Variants in ZNF333 observed in about 807,000 individuals in gnomAD.
The protein encoded by ZNF333 is zinc finger protein 333.
ZNF333 carries 61 observed loss-of-function variants against 76.1 expected under a neutral mutation model. The ratio of observed to expected loss-of-function variants is 0.80; its 90% CI spans 0.65 to 0.99. The LOEUF is 0.99. ZNF333 is among the 50% of genes least tolerant of loss of function. The probability of loss-of-function intolerance (pLI) is 0.00; values close to 1 mark genes in which losing one functional copy is unlikely to be tolerated. For missense variants in ZNF333, 717 were observed against 822.4 expected (o/e 0.87, Z 1.57); for synonymous variants, 284 against 305.0 (o/e 0.93, Z 0.72).
At position 14,717,017 on chromosome 19, in the gene ZNF333, G is replaced by A. The variant is rs1456557036; in HGVS notation, c.751G>A (p.Ala251Thr). Residue 251 changes from alanine (A) to threonine (T), a missense_variant, in exon 10 of 12, where the codon GCG becomes ACG. Physicochemically the swap from Ala to Thr is moderately conservative, Grantham distance 58. Transcript: ENST00000292530. Reference sequence around the variant, plus strand: ...AGCTGATCAACTGTGCAAACCCAATGCGTTGTCTTATTTGGAAGAAAGAGG... The same window carrying A: ...AGCTGATCAACTGTGCAAACCCAATACGTTGTCTTATTTGGAAGAAAGAGG... Reference protein sequence around the residue: ...SVADQLCKPNALSYLEERGEQ... With the variant: ...SVADQLCKPNTLSYLEERGEQ... The A allele has an allele frequency of 7.4e-6, 12 of 1,612,182 alleles. No homozygotes were observed. Among genetic ancestry groups the A allele is most frequent in the Non-Finnish European group, 7.6e-6 (9 of 1,179,122 alleles).
intron 3 of ZNF333, 107 bp from the exon 4 acceptor site, chr19:14,695,459 C>A: frequency 9.1e-7 from 1 of 1,099,668 alleles, no homozygotes; most frequent in East Asian, 2.5e-5. Flanking sequence ...CCCAGAGAAT[C>A]TGAAGCCCAT....
chr19:14,694,956 C>T (rs1973063506), intron 2 of ZNF333, 54 bp from the exon 3 acceptor site: 5 of 1,608,694 alleles, frequency 3.1e-6, no homozygotes, highest in Non-Finnish European at 3.4e-6. Context: ...ACCAGTCGTT[C>T]TGCTCAGTGG....
chr19:14,701,212 C>T (rs2041947621), intron 5 of ZNF333, among the ~76,000 whole-genome samples: 1 of 152,146 alleles, frequency 6.6e-6, no homozygotes, highest in Admixed American at 6.5e-5. Context: ...TGCGGTAAGC[C>T]TCATTACAGA....
intron 4 of ZNF333, among the ~76,000 whole-genome samples, chr19:14,697,039 C>T (rs1884028541): frequency 1.3e-5 from 2 of 152,006 alleles, no homozygotes; most frequent in Admixed American, 6.6e-5. Context: ...GCCCGGCCAC[C>T]TAATCACCTT....
chr19:14,702,047 A>C (rs564882133), intron 5 of ZNF333: 1 of 323,876 alleles, frequency 3.1e-6, no homozygotes, highest in African/African-American at 2.2e-5. Flanking sequence ...GCCAGGCATC[A>C]TTGTGCCTTG....
At chr19:14,690,503 A>G (rs1245960255) in intron 1 of ZNF333, among the ~76,000 whole-genome samples, 1 of 152,244 alleles carries the variant, frequency 6.6e-6, no homozygotes. Context: ...CCTTGCCTAC[A>G]GTATGCAAGA....
rs577563996 is a variant in ZNF333 at position 14,692,709 on chromosome 19, C to T, written c.-41-742C>T. Among the ~76,000 whole-genome samples the T allele has an allele frequency of 3.3e-5, 5 of 151,696 alleles. No individual in the cohort carries two copies. In the East Asian group the frequency reaches 9.7e-4, roughly 29 times the overall value. ...TGTATTTTAAGTAGAGATGGGGTTT[C>T]ACCATGTTGGCCAGGCTGGTCTTGA... On this transcript the variant is annotated intron_variant, in intron 1 of 11. Transcript: ENST00000292530.
intron 5 of ZNF333, among the ~76,000 whole-genome samples, chr19:14,699,900 C>T (rs909967052): frequency 6.6e-6 from 1 of 152,160 alleles, no homozygotes; most frequent in Admixed American, 6.5e-5. Context: ...CGAACTCCAG[C>T]TGTCTAAACA....
At chr19:14,692,787 A>G (rs528725398) in intron 1 of ZNF333, among the ~76,000 whole-genome samples, 2 of 149,456 alleles carry the variant, frequency 1.3e-5, no homozygotes, top group South Asian at 4.3e-4. Context: ...TGCTGGGATT[A>G]TAGGCATGAG....
intron 2 of ZNF333, among the ~76,000 whole-genome samples, chr19:14,694,209 A>G (rs1488912037): frequency 6.6e-6 from 1 of 152,184 alleles, no homozygotes; most frequent in Non-Finnish European, 1.5e-5. Context: ...GTGGTGGCTC[A>G]TGCCTGTAAT....
In ZNF333 at chr19:14,719,597, C is replaced by G; in HGVS notation, c.*272C>G. The stretch of plus-strand genomic sequence containing the variant: ...TACAGTTGGATGAGTTTGACAGATG[C>G]ATACATGCATGTAACCACCACCCCA... On this transcript the variant is annotated 3_prime_UTR_variant, in exon 12 of 12. Transcript: ENST00000292530. 1 of 1,136,646 alleles carries G rather than the reference C, an allele frequency of 8.8e-7. No individual in the cohort carries two copies. Among genetic ancestry groups the G allele is most frequent in the East Asian group, 4.1e-5 (1 of 24,412 alleles). The allele number at this position is 1,136,646 out of a possible 1,614,324, so 70.4% of individuals were successfully genotyped here.
At chr19:14,705,905 G>T (rs1435868616) in intron 6 of ZNF333, among the ~76,000 whole-genome samples, 1 of 152,128 alleles carries the variant, frequency 6.6e-6, no homozygotes, top group Non-Finnish European at 1.5e-5. Context: ...ACTGGTCCCT[G>T]GTGCCAAAAA....
At position 14,727,061 on chromosome 19, in the gene ZNF333, T is replaced by C. The variant is rs60402000; in HGVS notation, c.901-4114T>C. On this transcript the variant is annotated intron_variant, in intron 11 of 11. Coordinates refer to the ZNF333 transcript ENST00000540689. ...TTTTTTTTTTTTTGAGGTGGAGTCT[T>C]GCTTTGTTGCCCAGACAGTGCAGTG... 2.4e-3 allele frequency among the ~76,000 whole-genome samples: 346 copies of C among 143,988 alleles called. 8 individuals carry two copies. In the East Asian group the frequency reaches 0.06, roughly 25 times the overall value. 94.5% of individuals were successfully genotyped at this position (143,988 alleles called of 152,430 possible).
intron 11 of ZNF333, 78 bp from the exon 12 acceptor site, chr19:14,718,150 T>G (rs1205840601): frequency 2.0e-6 from 3 of 1,519,538 alleles, no homozygotes; most frequent in Non-Finnish European, 2.6e-6. Flanking sequence ...TGTCTTTTTC[T>G]TACATTCATT....
intron 7 of ZNF333, among the ~76,000 whole-genome samples, chr19:14,714,521 T>C (rs554562153): frequency 6.6e-6 from 1 of 152,276 alleles, no homozygotes; most frequent in South Asian, 2.1e-4. Context: ...AACTTTGGAC[T>C]CCTCGTCTCT....
chr19:14,732,204 C>G (rs144279417), exon 12 of ZNF333: 1 of 152,256 alleles, frequency 6.6e-6, no homozygotes, highest in East Asian at 1.9e-4. Context: ...TTATGGCAGC[C>G]CTGTGTCGAG....
At position 14,718,938 on chromosome 19, in the gene ZNF333, G is replaced by A. The variant is rs1404437077; in HGVS notation, c.1611G>A (p.Ala537=). ...CAGGGGAGAAACTGTATGAGTGCGCGACTTGCGGTCAGGTCTTGAGTCGTC... is the reference window on the plus strand; with the variant it reads ...CAGGGGAGAAACTGTATGAGTGCGCAACTTGCGGTCAGGTCTTGAGTCGTC... ...IHTGEKLYEC[A]TCGQVLSRLS... The change falls in exon 12 of 12, where the codon GCG becomes GCA. Residue 537 remains alanine, a synonymous_variant. Coordinates refer to ENST00000292530, the MANE Select transcript of ZNF333 (RefSeq NM_032433.4). 3.1e-6 allele frequency: 5 copies of A among 1,613,232 alleles called. No individual in the cohort carries two copies. Among genetic ancestry groups the A allele is most frequent in the East Asian group, 2.2e-5 (1 of 44,840 alleles).
At chr19:14,701,365 G>C (rs143715904) in intron 5 of ZNF333, among the ~76,000 whole-genome samples, 2 of 152,158 alleles carry the variant, frequency 1.3e-5, no homozygotes, top group East Asian at 3.9e-4. Flanking sequence ...GCCTCCTCCC[G>C]AGTAGCTGGG....
At chr19:14,706,910 G>T in intron 7 of ZNF333, 137 bp downstream of exon 7, 1 of 647,656 alleles carries the variant, frequency 1.5e-6, no homozygotes, top group Non-Finnish European at 2.6e-6. Flanking sequence ...GGATACAGAA[G>T]GCCTCTCTCA....
Sources: allele counts gnomAD v4.1 joint callset (sites outside exome capture counted in the v4.1 genomes callset), GRCh38; gene constraint gnomAD v4.1.1; transcripts MANE v1.5; gene names NCBI Gene and HGNC (gene_info 2026-07-23, HGNC 2026-07-21).